Variants in EXOC4 observed in about 807,000 individuals in gnomAD.
EXOC4 encodes SEC8-like 1.
A neutral mutation model predicts 107.2 loss-of-function variants in EXOC4; 71 were observed. The observed-to-expected ratio is 0.66, with a 90% CI of 0.55 to 0.81. The LOEUF (loss-of-function observed/expected upper bound fraction) is 0.81, where lower values mean the gene tolerates loss of function less well. EXOC4 is among the 30% of genes least tolerant of loss of function. The pLI, the probability that EXOC4 is intolerant of heterozygous loss-of-function variation, is 0.00. For missense variants in EXOC4, 1,108 were observed against 1,189.6 expected, an observed-to-expected ratio of 0.93 and a Z score of 1.01; for synonymous variants, 456 against 441.2, an observed-to-expected ratio of 1.03 and a Z score of -0.42.
At chr7:133,750,473 C>T (rs1795772985) in intron 10 of EXOC4, among the ~76,000 whole-genome samples, 1 of 152,026 alleles carries the variant, frequency 6.6e-6, no homozygotes, top group Non-Finnish European at 1.5e-5. Flanking sequence ...AAGCAGAATG[C>T]CTGTGGTGCT....
chr7:133,271,139 C>T (rs1173277475), intron 1 of EXOC4, among the ~76,000 whole-genome samples: 3 of 152,036 alleles, frequency 2.0e-5, no homozygotes, highest in African/African-American at 7.2e-5. Context: ...AGGCTGGTCT[C>T]GAACTCCTGA....
At position 133,687,035 on chromosome 7, in the gene EXOC4, G is replaced by C. The variant is rs1585079133; in HGVS notation, c.1514+56894G>C. 2.1e-4 allele frequency among the ~76,000 whole-genome samples: 31 copies of C among 150,808 alleles called. No individual in the cohort carries two copies. In the East Asian group the frequency reaches 2.3e-3, roughly 11 times the overall value. ...TGTGTGTGTGTGTGTGTGTGTGTGT[G>C]TGTCTGTGTGTGTGTGTGATGGAAT... On this transcript the variant is annotated intron_variant, in intron 10 of 17. Coordinates refer to ENST00000253861, the MANE Select transcript of EXOC4 (RefSeq NM_021807.4).
the EXOC4 span, among the ~76,000 whole-genome samples, chr7:134,100,795 C>G: frequency 1.5e-5 from 2 of 129,520 alleles, no homozygotes; most frequent in African/African-American, 5.3e-5. Flanking sequence ...AATACAAAAA[C>G]TAGCTGGGCG....
intron 10 of EXOC4, among the ~76,000 whole-genome samples, chr7:133,700,229 A>T (rs1794626775): frequency 6.6e-6 from 1 of 152,198 alleles, no homozygotes; most frequent in African/African-American, 2.4e-5. Context: ...CATAGTACCA[A>T]AGAGATTGAT....
intron 7 of EXOC4, among the ~76,000 whole-genome samples, chr7:133,381,481 A>G (rs1303052958): frequency 6.6e-6 from 1 of 152,196 alleles, no homozygotes; most frequent in African/African-American, 2.4e-5. Flanking sequence ...CACTCCAGGC[A>G]GATGGAAAGG....
chr7:134,053,812 C>A (rs1193419469), intron 17 of EXOC4, among the ~76,000 whole-genome samples: 1 of 152,046 alleles, frequency 6.6e-6, no homozygotes, highest in Non-Finnish European at 1.5e-5. Flanking sequence ...TTAATCCCAT[C>A]TGATCCTCTT....
At chr7:133,648,451 A>G (rs1281001855) in intron 10 of EXOC4, among the ~76,000 whole-genome samples, 1 of 152,172 alleles carries the variant, frequency 6.6e-6, no homozygotes, top group Non-Finnish European at 1.5e-5. Context: ...TTTCCATGAG[A>G]TATGTGCAAT....
chr7:133,314,475 A>G (rs1794945254), intron 4 of EXOC4, among the ~76,000 whole-genome samples: 2 of 152,220 alleles, frequency 1.3e-5, no homozygotes, highest in South Asian at 4.1e-4. Context: ...AAGTTTATTG[A>G]TGGAGTTTGA....
At chr7:133,438,107 G>T (rs760522865) in intron 7 of EXOC4, among the ~76,000 whole-genome samples, 2 of 152,124 alleles carry the variant, frequency 1.3e-5, no homozygotes, top group Admixed American at 6.5e-5. Flanking sequence ...ATTTAGTTCA[G>T]ATCTGTCTTT....
In EXOC4 at chr7:133,962,439, G is replaced by C. The variant is rs1004008620; in HGVS notation, c.2206+24370G>C. ...GCTCATTAACATACCCTTTACCGTA[G>C]ATGACACTCTCATTAGGTTAAATTA... On this transcript the variant is annotated intron_variant, in intron 14 of 17. Transcript: ENST00000253861. Among the ~76,000 whole-genome samples the C allele has an allele frequency of 2.0e-5, 3 of 152,042 alleles. No homozygotes were observed. The South Asian group carries it at 6.2e-4, about 32-fold the overall frequency.
At chr7:133,588,803 G>T (rs1010204255) in intron 9 of EXOC4, among the ~76,000 whole-genome samples, 1 of 152,194 alleles carries the variant, frequency 6.6e-6, no homozygotes, top group African/African-American at 2.4e-5. Flanking sequence ...CTTGAACCCA[G>T]GAGCTGGAGG....
At chr7:133,784,432 G>A (rs1216892334) in intron 10 of EXOC4, among the ~76,000 whole-genome samples, 1 of 152,042 alleles carries the variant, frequency 6.6e-6, no homozygotes, top group African/African-American at 2.4e-5. Flanking sequence ...ATTTAGCTAG[G>A]TGATATATGG....
At chr7:133,436,061 T>TTTC (rs397717724) in intron 7 of EXOC4, among the ~76,000 whole-genome samples, 7 of 151,668 alleles carry the variant, frequency 4.6e-5, no homozygotes, top group Non-Finnish European at 8.8e-5. Context: ...TTTTTTTTTT[T>TTTC]GTTTTTTTAA....
At chr7:133,432,213 G>T (rs1280100072) in intron 7 of EXOC4, among the ~76,000 whole-genome samples, 4 of 151,884 alleles carry the variant, frequency 2.6e-5, no homozygotes, top group Admixed American at 6.6e-5. Flanking sequence ...GCATGGGATA[G>T]TGAGGAAAAA....
At chr7:134,005,132 A>G (rs749267279) in intron 16 of EXOC4, 42 bp downstream of exon 16, 3 of 1,566,096 alleles carry the variant, frequency 1.9e-6, no homozygotes, top group Middle Eastern at 4.3e-4. Context: ...GGAGGAAGAA[A>G]GGATGAAAGT....
chr7:133,374,951 C>T lies in EXOC4; in HGVS notation c.1131C>T (p.Ile377=), dbSNP rs1170941256. Residue 377 remains isoleucine (I), a synonymous_variant, in exon 7 of 18, where the codon ATC becomes ATT. Coordinates refer to ENST00000253861, the MANE Select transcript of EXOC4 (RefSeq NM_021807.4). ...VVTPLTQQED[I]KLYDMADVWV... Reference sequence around the variant, plus strand: ...CTCCACTGACTCAGCAGGAAGATATCAAACTGTATGATATGGCAGATGTAT... The same window carrying T: ...CTCCACTGACTCAGCAGGAAGATATTAAACTGTATGATATGGCAGATGTAT... The T allele has an allele frequency of 1.2e-5, 19 of 1,614,044 alleles. No homozygotes were observed. The highest frequency in any genetic ancestry group is 1.6e-5 in the Non-Finnish European group (19 of 1,179,984).
intron 10 of EXOC4, among the ~76,000 whole-genome samples, chr7:133,755,273 TTA>T (rs1286837716): frequency 1.9e-5 from 2 of 103,744 alleles, no homozygotes; most frequent in Non-Finnish European, 1.9e-5. Flanking sequence ...ATTATATATA[TTA>T]TATATATTAT....
At chr7:133,541,667 T>A (rs1197664907) in intron 9 of EXOC4, among the ~76,000 whole-genome samples, 1 of 151,378 alleles carries the variant, frequency 6.6e-6, no homozygotes, top group African/African-American at 2.4e-5. Flanking sequence ...GCGTGGCTAA[T>A]TTTTTGTATT....
intron 7 of EXOC4, among the ~76,000 whole-genome samples, chr7:133,407,614 A>G (rs1797252479): frequency 6.6e-6 from 1 of 152,196 alleles, no homozygotes; most frequent in African/African-American, 2.4e-5. Flanking sequence ...TGGGTAAGAT[A>G]AGATGTGTGT....
Sources: allele counts gnomAD v4.1 joint callset (sites outside exome capture counted in the v4.1 genomes callset), GRCh38; gene constraint gnomAD v4.1.1; transcripts MANE v1.5; gene names NCBI Gene and HGNC (gene_info 2026-07-23, HGNC 2026-07-21).